Variants in PCDHB8 observed in about 807,000 individuals in gnomAD.
PCDHB8 encodes protocadherin beta 8.
For missense variants in PCDHB8, 836 were observed against 1,004.0 expected, an observed-to-expected ratio of 0.83 and a Z score of 2.26; for synonymous variants, 385 against 448.5, an observed-to-expected ratio of 0.86 and a Z score of 1.79.
chr5:141,180,164 G>A lies in PCDHB8; in HGVS notation c.2130G>A (p.Val710=). The A allele has an allele frequency of 6.2e-7, 1 of 1,612,344 alleles. No homozygotes were observed. Among genetic ancestry groups the A allele is most frequent in the Non-Finnish European group, 8.5e-7 (1 of 1,179,926 alleles). ...TCCTCTTCTCGGTGCTCCTGTTCGT[G>A]GCGGTGCTGCTGTGTAGGAGGAGCA... ...SLFLFSVLLF[V]AVLLCRRSRA... The change falls in exon 1 of 1, where the codon GTG becomes GTA. Residue 710 remains valine (V), a synonymous_variant. Transcript: ENST00000239444.
In PCDHB8 at chr5:141,179,233, AC is replaced by A. The variant is rs1554281129; in HGVS notation, c.1200del (p.Tyr402ThrfsTer4). 6 of 1,614,184 alleles carry A rather than the reference AC, an allele frequency of 3.7e-6. No homozygotes were observed. The highest frequency in any genetic ancestry group is 5.1e-6 in the Non-Finnish European group (6 of 1,180,032). Reference protein sequence around the residue: ...LPFLLKSSVGNFYTLLTETPL... With the variant: ...LPFLLKSSVGXFYTLLTETPL... Reference sequence around the variant, plus strand: ...TTCCTCCTGAAATCTTCTGTGGGGAACTTTTACACCCTACTAACAGAGACAC... The same window carrying A: ...TTCCTCCTGAAATCTTCTGTGGGGAATTTTACACCCTACTAACAGAGACAC... On this transcript the variant is annotated frameshift_variant, in exon 1 of 1. Transcript: ENST00000239444. LOFTEE classifies it low-confidence loss of function (END_TRUNC).
Position 141,179,951 on chromosome 5 carries a change from G to C in PCDHB8, c.1917G>C (p.Gln639His), listed in dbSNP as rs2740582. 642,904 of 1,595,670 alleles carry C rather than the reference G, an allele frequency of 0.4. 119,629 individuals carry two copies. The highest frequency in any genetic ancestry group is 0.58 in the East Asian group (26,106 of 44,746). ...RLLSERDAAK[Q>H]RLVVLVKDNG... ...TGAGCGAGCGCGACGCGGCCAAGCA[G>C]AGGCTGGTGGTGCTGGTCAAGGACA... The change falls in exon 1 of 1, where the codon CAG becomes CAC. Residue 639 changes from glutamine to histidine, a missense_variant. Transcript: ENST00000239444.
At position 141,179,864 on chromosome 5, in the gene PCDHB8, C is replaced by T; in HGVS notation, c.1830C>T (p.Ala610=). ...GGCTGTCGTACCAGCTGCTCAAGGC[C>T]ACGGAGCCCGGGCTGTTCGGTGTGT... is the stretch of plus-strand genomic sequence containing the variant. ...NAWLSYQLLK[A]TEPGLFGVWA... Residue 610 remains alanine (A), a synonymous_variant, in exon 1 of 1, where the codon GCC becomes GCT. Coordinates refer to ENST00000239444, the MANE Select transcript of PCDHB8 (RefSeq NM_019120.5). 6.2e-7 allele frequency: 1 copy of T among 1,610,024 alleles called. No homozygotes were observed. The highest frequency in any genetic ancestry group is 8.5e-7 in the Non-Finnish European group (1 of 1,179,674).
chr5:141,178,635 C>G lies in PCDHB8; in HGVS notation c.601C>G (p.Leu201Val). ...CCCAGAGCTGGTGCTGGACAAAGCGCTGGACCGAGAGGAAGAAGCTGAGCT... is the reference window on the plus strand; with the variant it reads ...CCCAGAGCTGGTGCTGGACAAAGCGGTGGACCGAGAGGAAGAAGCTGAGCT... ...KYPELVLDKA[L>V]DREEEAELRL... The change falls in exon 1 of 1, where the codon CTG becomes GTG. Residue 201 changes from leucine (L) to valine (V), a missense_variant. Leu to Val is a conservative substitution (Grantham distance 32). Transcript: ENST00000239444. The G allele has an allele frequency of 6.2e-7, 1 of 1,613,364 alleles. No homozygotes were observed. The highest frequency in any genetic ancestry group is 1.1e-5 in the South Asian group (1 of 90,946).
Position 141,178,714 on chromosome 5 carries a change from C to T in PCDHB8, c.680C>T (p.Ala227Val). The T allele has an allele frequency of 6.3e-7, 1 of 1,575,112 alleles. No individual in the cohort carries two copies. Among genetic ancestry groups the T allele is most frequent in the South Asian group, 1.1e-5 (1 of 88,952 alleles). The part of the protein sequence containing the change: ...DGGSPPRSGT[A>V]QVYIEVVDVN... ...GGCTCTCCGCCCAGATCTGGCACTG[C>T]TCAGGTCTACATTGAAGTTGTCGAT... The change falls in exon 1 of 1, where the codon GCT becomes GTT. Residue 227 changes from alanine (A) to valine (V), a missense_variant. Ala to Val is a moderately conservative substitution (Grantham distance 64). Transcript: ENST00000239444.
rs1554280986 is a variant in PCDHB8 at position 141,178,644 on chromosome 5, G to C, written c.610G>C (p.Glu204Gln). The change falls in exon 1 of 1, where the codon GAG becomes CAG. Residue 204 changes from glutamate to glutamine, a missense_variant. By Grantham distance (29) the Glu-to-Gln change is conservative. Coordinates refer to ENST00000239444, the MANE Select transcript of PCDHB8 (RefSeq NM_019120.5). ...GGTGCTGGACAAAGCGCTGGACCGA[G>C]AGGAAGAAGCTGAGCTCAGGTTAAC... ...ELVLDKALDR[E>Q]EEAELRLTLT... 7.4e-6 allele frequency: 12 copies of C among 1,612,954 alleles called. No individual in the cohort carries two copies. Among genetic ancestry groups the C allele is most frequent in the Non-Finnish European group, 1.0e-5 (12 of 1,179,686 alleles).
rs1438227001 is a variant in PCDHB8, at chr5:141,179,503, C to A, written c.1469C>A (p.Ser490Ter). The change falls in exon 1 of 1, where the codon TCG (serine) becomes TAG (stop). Residue 490 changes from serine to a stop codon, truncating the protein, a stop_gained. Coordinates refer to ENST00000239444, the MANE Select transcript of PCDHB8 (RefSeq NM_019120.5). LOFTEE classifies it low-confidence loss of function (END_TRUNC). ...DSGTNAQVTY[S>*]LLPPQDPHLP... Reference sequence around the variant, plus strand: ...GGCACCAACGCCCAGGTCACCTACTCGCTGCTGCCGCCCCAGGATCCGCAC... The same window carrying A: ...GGCACCAACGCCCAGGTCACCTACTAGCTGCTGCCGCCCCAGGATCCGCAC... 2.5e-6 allele frequency: 4 copies of A among 1,613,528 alleles called. No homozygotes were observed. The highest frequency in any genetic ancestry group is 3.4e-6 in the Non-Finnish European group (4 of 1,180,010).
Position 141,179,281 on chromosome 5 carries a change from C to G in PCDHB8, c.1247C>G (p.Ala416Gly). Residue 416 changes from alanine (A) to glycine (G), a missense_variant, in exon 1 of 1, where the codon GCC becomes GGC. Ala to Gly is a moderately conservative substitution (Grantham distance 60). Coordinates refer to ENST00000239444, the MANE Select transcript of PCDHB8 (RefSeq NM_019120.5). The stretch of plus-strand genomic sequence containing the variant: ...ACACCACTAGACAGAGAAAGCAGAG[C>G]CGAGTACAACGTCACTATCACCGTC... Reference protein sequence around the residue: ...TETPLDRESRAEYNVTITVTD... With the variant: ...TETPLDRESRGEYNVTITVTD... The G allele has an allele frequency of 2.5e-6, 4 of 1,614,234 alleles. No individual in the cohort carries two copies. The East Asian group carries it at 6.7e-5, about 27-fold the overall frequency.
Position 141,179,703 on chromosome 5 carries a change from G to A in PCDHB8, c.1669G>A (p.Asp557Asn), listed in dbSNP as rs782812897. The change falls in exon 1 of 1, where the codon GAC becomes AAC. Residue 557 changes from aspartate (D) to asparagine (N), a missense_variant. Physicochemically the swap from Asp to Asn is conservative, Grantham distance 23. Transcript: ENST00000239444. ...GCGCGTGCTGGTGCTGGACGCCAACGACAACTCGCCCTTCGTGCTGTACCC... is the reference window on the plus strand; with the variant it reads ...GCGCGTGCTGGTGCTGGACGCCAACAACAACTCGCCCTTCGTGCTGTACCC... ...LVRVLVLDAN[D>N]NSPFVLYPLQ... The A allele has an allele frequency of 1.9e-6, 3 of 1,611,974 alleles. No individual in the cohort carries two copies. The highest frequency in any genetic ancestry group is 1.1e-5 in the South Asian group (1 of 90,992).
At position 141,180,455 on chromosome 5, in the gene PCDHB8, T is replaced by A. The variant is rs782510814; in HGVS notation, c.*15T>A. The A allele has an allele frequency of 6.8e-7, 1 of 1,469,226 alleles. No homozygotes were observed. The highest frequency in any genetic ancestry group is 1.4e-5 in the African/African-American group (1 of 69,626). 91.0% of individuals were successfully genotyped at this position (1,469,226 alleles called of 1,614,324 possible). A position where few individuals can be genotyped will look rare whatever the true frequency, so the allele number is the denominator to read the frequency against. On this transcript the variant is annotated 3_prime_UTR_variant, in exon 1 of 1. Coordinates refer to ENST00000239444, the MANE Select transcript of PCDHB8 (RefSeq NM_019120.5). ...AGTTAAAGTAATTGATTTCATATTA[T>A]ATATTTTAATTTTTATGATCAATTC...
chr5:141,179,169 A>T lies in PCDHB8; in HGVS notation c.1135A>T (p.Asn379Tyr). ...FSVSDLDSGE[N>Y]GKISCSIQED... ...TGTTTCAGACCTTGATTCAGGAGAA[A>T]ATGGGAAAATAAGTTGCTCCATTCA... Residue 379 changes from asparagine to tyrosine, a missense_variant, in exon 1 of 1, where the codon AAT becomes TAT. Asn to Tyr is a moderately radical substitution (Grantham distance 143). Transcript: ENST00000239444. 8 of 1,614,192 alleles carry T rather than the reference A, an allele frequency of 5.0e-6. No individual in the cohort carries two copies. The highest frequency in any genetic ancestry group is 6.8e-6 in the Non-Finnish European group (8 of 1,180,050).
In PCDHB8 at chr5:141,180,185, G is replaced by A. The variant is rs782455278; in HGVS notation, c.2151G>A (p.Arg717=). 26 of 1,612,318 alleles carry A rather than the reference G, an allele frequency of 1.6e-5. No individual in the cohort carries two copies. The highest frequency in any genetic ancestry group is 8.3e-5 in the Admixed American group (5 of 59,992). The part of the protein sequence containing the change: ...LLFVAVLLCR[R]SRAASVGRCS... ...TCGTGGCGGTGCTGCTGTGTAGGAG[G>A]AGCAGGGCGGCCTCGGTGGGTCGCT... The change falls in exon 1 of 1, where the codon AGG becomes AGA. Residue 717 remains arginine (R), a synonymous_variant. Coordinates refer to ENST00000239444, the MANE Select transcript of PCDHB8 (RefSeq NM_019120.5).
chr5:141,179,720 G>A lies in PCDHB8; in HGVS notation c.1686G>A (p.Val562=). The A allele has an allele frequency of 6.2e-7, 1 of 1,611,826 alleles. No individual in the cohort carries two copies. Among genetic ancestry groups the A allele is most frequent in the Non-Finnish European group, 8.5e-7 (1 of 1,179,592 alleles). The change falls in exon 1 of 1, where the codon GTG becomes GTA. Residue 562 remains valine (V), a synonymous_variant. Coordinates refer to ENST00000239444, the MANE Select transcript of PCDHB8 (RefSeq NM_019120.5). ...VLDANDNSPF[V]LYPLQNGSAP... ...ACGCCAACGACAACTCGCCCTTCGT[G>A]CTGTACCCGCTGCAGAATGGCTCCG...
chr5:141,178,593 A>G lies in PCDHB8; in HGVS notation c.559A>G (p.Ser187Gly), dbSNP rs1753441551. 8 of 1,613,932 alleles carry G rather than the reference A, an allele frequency of 5.0e-6. No homozygotes were observed. The East Asian group carries it at 1.8e-4, about 36-fold the overall frequency. ...SYFRVLTRKR[S>G]DGRKYPELVL... Reference sequence around the variant, plus strand: ...TTTTCGGGTCCTCACCCGCAAACGCAGTGATGGCAGGAAATACCCAGAGCT... The same window carrying G: ...TTTTCGGGTCCTCACCCGCAAACGCGGTGATGGCAGGAAATACCCAGAGCT... The change falls in exon 1 of 1, where the codon AGT becomes GGT. Residue 187 changes from serine (S) to glycine (G), a missense_variant. Ser to Gly is a moderately conservative substitution (Grantham distance 56). Coordinates refer to ENST00000239444, the MANE Select transcript of PCDHB8 (RefSeq NM_019120.5).
In PCDHB8 at chr5:141,178,814, C is replaced by G; in HGVS notation, c.780C>G (p.Phe260Leu). 6.2e-7 allele frequency: 1 copy of G among 1,612,962 alleles called. No individual in the cohort carries two copies. Among genetic ancestry groups the G allele is most frequent in the East Asian group, 2.2e-5 (1 of 44,850 alleles). The change falls in exon 1 of 1, where the codon TTC becomes TTG. Residue 260 changes from phenylalanine to leucine, a missense_variant. Coordinates refer to ENST00000239444, the MANE Select transcript of PCDHB8 (RefSeq NM_019120.5). ...VQISEDSPIS[F>L]LVVKVSATDV... ...TCTCTGAGGACAGTCCAATAAGCTT[C>G]CTGGTTGTGAAGGTCTCTGCCACGG...
At position 141,177,875 on chromosome 5, in the gene PCDHB8, CG is replaced by C. The variant is rs1392059856; in HGVS notation, c.-156del. ...AAAAGCAGCAGAACCTGGAAGTCCACGGGGAGCTTGGATGCCAAAGGGAGGA... is the reference window on the plus strand; with the variant it reads ...AAAAGCAGCAGAACCTGGAAGTCCACGGGAGCTTGGATGCCAAAGGGAGGA... On this transcript the variant is annotated 5_prime_UTR_variant, in exon 1 of 1. Transcript: ENST00000239444. 244 of 644,622 alleles carry C rather than the reference CG, an allele frequency of 3.8e-4. No individual in the cohort carries two copies. The highest frequency in any genetic ancestry group is 3.2e-3 in the South Asian group (159 of 49,656). The allele number at this position is 644,622 out of a possible 1,614,324, so 39.9% of individuals were successfully genotyped here.
rs781992716 is a variant in PCDHB8 at position 141,180,324 on chromosome 5, G to T, written c.2290G>T (p.Glu764Ter). 2 of 1,614,044 alleles carry T rather than the reference G, an allele frequency of 1.2e-6. No homozygotes were observed. The highest frequency in any genetic ancestry group is 1.7e-6 in the Non-Finnish European group (2 of 1,179,962). Reference protein sequence around the residue: ...VCLAGGSGTNEFQLLKPVLPN... With the variant: ...VCLAGGSGTN ...CCTGGCAGGAGGCTCAGGGACGAAT[G>T]AGTTCCAGCTCCTGAAACCAGTATT... The change falls in exon 1 of 1, where the codon GAG (glutamate) becomes TAG (stop). Residue 764 changes from glutamate (E) to a stop codon, truncating the protein, a stop_gained. Coordinates refer to ENST00000239444, the MANE Select transcript of PCDHB8 (RefSeq NM_019120.5). LOFTEE classifies it low-confidence loss of function (END_TRUNC).
Position 141,179,648 on chromosome 5 carries a change from C to T in PCDHB8, c.1614C>T (p.Gly538=). ...FEFRVGASDR[G]SPALSSEALV... is the part of the protein sequence containing the mutation. Reference sequence around the variant, plus strand: ...TCCGGGTGGGCGCTTCAGACCGCGGCTCCCCGGCTTTGAGCAGCGAGGCGC... The same window carrying T: ...TCCGGGTGGGCGCTTCAGACCGCGGTTCCCCGGCTTTGAGCAGCGAGGCGC... The change falls in exon 1 of 1, where the codon GGC becomes GGT. Residue 538 remains glycine (G), a synonymous_variant. Coordinates refer to ENST00000239444, the MANE Select transcript of PCDHB8 (RefSeq NM_019120.5). 1 of 1,612,838 alleles carries T rather than the reference C, an allele frequency of 6.2e-7. No individual in the cohort carries two copies. The highest frequency in any genetic ancestry group is 8.5e-7 in the Non-Finnish European group (1 of 1,179,876).
At position 141,178,047 on chromosome 5, in the gene PCDHB8, G is replaced by C; in HGVS notation, c.13G>C (p.Gly5Arg). Residue 5 changes from glycine (G) to arginine (R), a missense_variant, in exon 1 of 1, where the codon GGG (glycine) becomes CGG (arginine). Gly to Arg is a moderately radical substitution (Grantham distance 125, BLOSUM62 -2). Coordinates refer to ENST00000239444, the MANE Select transcript of PCDHB8 (RefSeq NM_019120.5). MEAS[G>R]KLICRQRQVL... is the part of the protein sequence containing the mutation. ...TTCAGCAAGAACAATGGAGGCCAGC[G>C]GGAAGCTCATTTGCAGACAAAGGCA... The C allele has an allele frequency of 6.2e-7, 1 of 1,613,600 alleles. No homozygotes were observed. The highest frequency in any genetic ancestry group is 8.5e-7 in the Non-Finnish European group (1 of 1,179,952).
Sources: allele counts gnomAD v4.1 joint callset, GRCh38; gene constraint gnomAD v4.1.1; transcripts MANE v1.5; gene names NCBI Gene and HGNC (gene_info 2026-07-23, HGNC 2026-07-21).